Variants in CACNB4 observed in about 807,000 individuals in gnomAD.
The protein encoded by CACNB4 is calcium voltage-gated channel auxiliary subunit beta 4, also known as voltage-dependent L-type calcium channel subunit beta-4.
In CACNB4, 32 loss-of-function variants were observed where a neutral mutation model predicts 71.2. The ratio of observed to expected loss-of-function variants is 0.45; its 90% CI spans 0.34 to 0.60. CACNB4 has a LOEUF of 0.60. CACNB4 is among the 20% of genes least tolerant of loss of function. CACNB4 has a pLI of 0.01. For synonymous variants in CACNB4, 231 were observed against 236.9 expected, an observed-to-expected ratio of 0.97 and a Z score of 0.23; for missense variants, 464 against 647.9, an observed-to-expected ratio of 0.72 and a Z score of 3.08.
intron 2 of CACNB4, among the ~76,000 whole-genome samples, chr2:152,081,862 T>C (rs1276924595): frequency 6.6e-6 from 1 of 152,252 alleles, no homozygotes; most frequent in Non-Finnish European, 1.5e-5. Context: ...TGTGCAAATA[T>C]CAGGCCCGTG....
chr2:151,992,904 C>T (rs1054267284), intron 2 of CACNB4, among the ~76,000 whole-genome samples: 17 of 152,184 alleles, frequency 1.1e-4, no homozygotes, highest in African/African-American at 4.1e-4. Context: ...ATTCCGCTTC[C>T]TAAATTGCAA....
chr2:151,976,878 A>G (rs1454534931), intron 2 of CACNB4, among the ~76,000 whole-genome samples: 1 of 152,182 alleles, frequency 6.6e-6, no homozygotes, highest in East Asian at 1.9e-4. Flanking sequence ...AAAAGGGTCT[A>G]TGGATTCCAG....
intron 2 of CACNB4, among the ~76,000 whole-genome samples, chr2:151,886,689 T>C (rs2099849451): frequency 6.6e-6 from 1 of 151,744 alleles, no homozygotes; most frequent in Non-Finnish European, 1.5e-5. Flanking sequence ...TTTGTTGTTG[T>C]TTTTTTAATG....
Position 151,855,359 on chromosome 2 carries a change from T to C in CACNB4, c.885A>G (p.Glu295=). 6.3e-7 allele frequency: 1 copy of C among 1,595,144 alleles called. No homozygotes were observed. Among genetic ancestry groups the C allele is most frequent in the South Asian group, 1.1e-5 (1 of 89,756 alleles). Residue 295 remains glutamate (E), a synonymous_variant, in exon 11 of 14, where the codon GAA becomes GAG. Coordinates refer to ENST00000539935, the MANE Select transcript of CACNB4 (RefSeq NM_000726.5). ...TTGCCAACTCAAAGATTCTTTCAATTTCACTTTGTACTTCCGCTTAAAGGA... is the reference window on the plus strand; with the variant it reads ...TTGCCAACTCAAAGATTCTTTCAATCTCACTTTGTACTTCCGCTTAAAGGA... The part of the protein sequence containing the change: ...TRSSLAEVQS[E]IERIFELARS...
At chr2:151,973,506 C>T in intron 2 of CACNB4, 1 of 651,618 alleles carries the variant, frequency 1.5e-6, no homozygotes, top group Non-Finnish European at 2.7e-6. Flanking sequence ...CTATAAACTA[C>T]ACAGAGAACA....
chr2:152,004,542 C>CGT (rs1682613586), intron 2 of CACNB4, among the ~76,000 whole-genome samples: 1 of 149,348 alleles, frequency 6.7e-6, no homozygotes, highest in African/African-American at 2.5e-5. Context: ...TACACACACA[C>CGT]ACACACACAC....
At chr2:151,940,312 A>G (rs1019238470) in intron 2 of CACNB4, among the ~76,000 whole-genome samples, 2 of 152,208 alleles carry the variant, frequency 1.3e-5, no homozygotes, top group African/African-American at 4.8e-5. Flanking sequence ...TCTCCCCCAA[A>G]GAGGAACCTC....
intron 2 of CACNB4, chr2:151,967,548 A>G (rs568784751): frequency 6.6e-6 from 1 of 152,336 alleles, no homozygotes; most frequent in South Asian, 2.1e-4. Flanking sequence ...AAACTTTTCA[A>G]CAAAGCTGCC....
chr2:152,002,515 A>G (rs943263360), intron 2 of CACNB4, among the ~76,000 whole-genome samples: 1 of 152,232 alleles, frequency 6.6e-6, no homozygotes, highest in African/African-American at 2.4e-5. Flanking sequence ...GCAAAATGTT[A>G]TTGGAATCTA....
At chr2:151,872,523 A>C in intron 5 of CACNB4, 30 bp from the exon 6 acceptor site, 36 of 1,196,770 alleles carry the variant, frequency 3.0e-5, no homozygotes, top group Non-Finnish European at 4.2e-5. Context: ...CTAAAGACTC[A>C]CTCCCCAGAT....
At chr2:151,900,632 T>G (rs913800977) in intron 2 of CACNB4, among the ~76,000 whole-genome samples, 3 of 152,086 alleles carry the variant, frequency 2.0e-5, no homozygotes, top group African/African-American at 7.2e-5. Flanking sequence ...CATATGGTTG[T>G]GAGTAGATGG....
chr2:151,996,052 A>G (rs1245031250), intron 2 of CACNB4, among the ~76,000 whole-genome samples: 1 of 152,212 alleles, frequency 6.6e-6, no homozygotes, highest in Non-Finnish European at 1.5e-5. Flanking sequence ...TATTTTTCCT[A>G]TATAAGTCTA....
intron 2 of CACNB4, among the ~76,000 whole-genome samples, chr2:151,978,203 C>G (rs575766505): frequency 9.9e-5 from 15 of 152,126 alleles, no homozygotes; most frequent in Admixed American, 4.6e-4. Context: ...AGCTTACCAA[C>G]TAGGCAGGCA....
intron 2 of CACNB4, among the ~76,000 whole-genome samples, chr2:152,097,258 T>C (rs1688323629): frequency 6.6e-6 from 1 of 152,174 alleles, no homozygotes; most frequent in African/African-American, 2.4e-5. Context: ...CAATTCCTCG[T>C]TGATATGTTT....
intron 2 of CACNB4, among the ~76,000 whole-genome samples, chr2:152,065,336 T>C (rs1253603673): frequency 1.3e-5 from 2 of 151,172 alleles, no homozygotes; most frequent in East Asian, 1.9e-4. Flanking sequence ...TGAGCCAAGA[T>C]TGTGCCACTG....
At position 152,050,085 on chromosome 2, in the gene CACNB4, G is replaced by A. The variant is rs1242664206; in HGVS notation, c.147+48245C>T. Among the ~76,000 whole-genome samples the A allele has an allele frequency of 9.2e-5, 14 of 152,358 alleles. No individual in the cohort carries two copies. The East Asian group carries it at 1.2e-3, about 13-fold the overall frequency. On this transcript the variant is annotated intron_variant, in intron 2 of 13. Transcript: ENST00000539935. ...GGCCAAGCTGGCATTTGGCATGTTG[G>A]GTGAAAGCCCCAGGTTTTTTGTGAA... is the stretch of plus-strand genomic sequence containing the variant.
rs1461527690 is a variant in CACNB4 at position 151,835,672 on chromosome 2, A to G, written c.*3447T>C. The G allele has an allele frequency of 6.6e-6, 1 of 151,902 alleles. No homozygotes were observed. Among genetic ancestry groups the G allele is most frequent in the African/African-American group, 2.4e-5 (1 of 41,434 alleles). The allele number at this position is 151,902 out of a possible 1,614,324, so 9.4% of individuals were successfully genotyped here. On this transcript the variant is annotated 3_prime_UTR_variant, in exon 14 of 14. Transcript: ENST00000539935. ...TCATTTAAAGAATTTAAATTTGCAAACCATCTTTTAGCATAATTTCCTTTT... is the reference window on the plus strand; with the variant it reads ...TCATTTAAAGAATTTAAATTTGCAAGCCATCTTTTAGCATAATTTCCTTTT...
rs931204995 is a variant in CACNB4 at position 151,876,406 on chromosome 2, T to C, written c.521+20A>G. 5.0e-6 allele frequency: 8 copies of C among 1,587,564 alleles called. No individual in the cohort carries two copies. The highest frequency in any genetic ancestry group is 2.3e-5 in the South Asian group (2 of 86,738). On this transcript the variant is annotated intron_variant, in intron 5 of 13. Coordinates refer to ENST00000539935, the MANE Select transcript of CACNB4 (RefSeq NM_000726.5). ...AATTTTCTGACCAAAAAAAAGTGCA[T>C]AGAAAAGATGGGAACGTACCCTCCG...
chr2:151,845,017 C>T (rs1439985585), intron 12 of CACNB4, among the ~76,000 whole-genome samples: 2 of 152,166 alleles, frequency 1.3e-5, no homozygotes, highest in Non-Finnish European at 2.9e-5. Context: ...ACATTCACAG[C>T]CAGGATTGCA....
Sources: allele counts gnomAD v4.1 joint callset (sites outside exome capture counted in the v4.1 genomes callset), GRCh38; gene constraint gnomAD v4.1.1; transcripts MANE v1.5; gene names NCBI Gene and HGNC (gene_info 2026-07-23, HGNC 2026-07-21).